The following FERMT2 variants were observed in gnomAD, a reference collection of about 807,000 sequenced individuals.
The protein encoded by FERMT2 is fermitin family homolog 2.
In FERMT2, 15 loss-of-function variants were observed where a neutral mutation model predicts 82.7. That is an observed-to-expected ratio of 0.18 (90% CI 0.12 to 0.28). The LOEUF is 0.28. Among genes scored for constraint, FERMT2 ranks in the 10% least tolerant of loss-of-function variants. The pLI is 1.00. For synonymous variants in FERMT2, 274 were observed against 271.5 expected (o/e 1.01, Z -0.09); for missense variants, 645 against 809.4 (o/e 0.80, Z 2.46).
At chr14:52,867,194 T>C (rs190803564) in intron 10 of FERMT2, among the ~76,000 whole-genome samples, 94 of 152,002 alleles carry the variant, frequency 6.2e-4, no homozygotes, top group African/African-American at 2.3e-3. Context: ...CCTGCCTTGG[T>C]CTCCCAAAAT....
chr14:52,885,055 G>A (rs1051444819), intron 4 of FERMT2, among the ~76,000 whole-genome samples: 2 of 151,920 alleles, frequency 1.3e-5, no homozygotes, highest in African/African-American at 4.8e-5. Flanking sequence ...GCTCATGCCT[G>A]TAATGCCCGC....
At chr14:52,905,806 T>C (rs1427354803) in intron 3 of FERMT2, among the ~76,000 whole-genome samples, 2 of 152,152 alleles carry the variant, frequency 1.3e-5, no homozygotes, top group Admixed American at 6.5e-5. Flanking sequence ...GCCTTGAGCA[T>C]GTTCAGTTTA....
chr14:52,867,776 CTCA>C (rs948011747), intron 10 of FERMT2, among the ~76,000 whole-genome samples: 91 of 152,234 alleles, frequency 6.0e-4, no homozygotes, highest in East Asian at 1.9e-4. Context: ...CTACATTCTT[CTCA>C]TCTTCTACAT....
intron 4 of FERMT2, among the ~76,000 whole-genome samples, chr14:52,882,796 T>C (rs62003530): frequency 2.6e-4 from 12 of 46,650 alleles, no homozygotes; most frequent in Non-Finnish European, 6.8e-4. Context: ...GGAAGCAAAG[T>C]TAAAAAAAAA....
intron 1 of FERMT2, 146 bp from the exon 2 acceptor site, chr14:52,950,723 G>C (rs1180088807): frequency 6.8e-6 from 5 of 734,850 alleles, no homozygotes; most frequent in South Asian, 1.8e-5. Flanking sequence ...GGCGGCGGCC[G>C]GGGCTGCGGG....
chr14:52,911,281 T>C (rs939605870), intron 3 of FERMT2, among the ~76,000 whole-genome samples: 5 of 152,178 alleles, frequency 3.3e-5, no homozygotes, highest in African/African-American at 9.7e-5. Context: ...TTTCACAGCA[T>C]AAAATATTAT....
intron 14 of FERMT2, 24 bp from the exon 15 acceptor site, chr14:52,858,574 A>G (rs1264204551): frequency 1.2e-6 from 2 of 1,610,038 alleles, no homozygotes; most frequent in Admixed American, 3.3e-5. Context: ...AAGAGCCATC[A>G]GTGCTGTCCC....
At chr14:52,872,115 G>A (rs904057682) in intron 10 of FERMT2, 1 of 152,440 alleles carries the variant, frequency 6.6e-6, no homozygotes, top group Admixed American at 6.5e-5. Flanking sequence ...GGATGTCGAA[G>A]AAGAAAGCCC....
At chr14:52,864,939 C>G in intron 10 of FERMT2, 86 bp from the exon 11 acceptor site, 1 of 792,838 alleles carries the variant, frequency 1.3e-6, no homozygotes, top group Non-Finnish European at 2.1e-6. Context: ...TCTGTGGCAT[C>G]TTAACATGTT....
chr14:52,866,339 A>C (rs565266681), intron 10 of FERMT2, among the ~76,000 whole-genome samples: 1 of 152,206 alleles, frequency 6.6e-6, no homozygotes, highest in South Asian at 2.1e-4. Flanking sequence ...CACAATCTCT[A>C]ATCCTAACTC....
At chr14:52,932,417 T>C (rs899977816) in intron 2 of FERMT2, among the ~76,000 whole-genome samples, 2 of 152,210 alleles carry the variant, frequency 1.3e-5, no homozygotes, top group Non-Finnish European at 2.9e-5. Context: ...AAGAGATTAT[T>C]AAATAAAGGA....
chr14:52,897,055 T>C lies in FERMT2; in HGVS notation c.392-3628A>G, dbSNP rs577857219. 9.5e-4 allele frequency among the ~76,000 whole-genome samples: 137 copies of C among 144,408 alleles called. 1 individual carries two copies. The highest frequency in any genetic ancestry group is 1.5e-3 in the Non-Finnish European group (100 of 67,022). The allele number at this position is 144,408 out of a possible 152,430, so 94.7% of individuals were successfully genotyped here. Reference sequence around the variant, plus strand: ...ACACACACACACACACACACCATGGTAGAAATTTGGAAGTTACCTCCCTCC... The same window carrying C: ...ACACACACACACACACACACCATGGCAGAAATTTGGAAGTTACCTCCCTCC... On this transcript the variant is annotated intron_variant, in intron 3 of 14. Transcript: ENST00000341590.
intron 3 of FERMT2, among the ~76,000 whole-genome samples, chr14:52,908,396 T>C (rs529966250): frequency 6.6e-6 from 1 of 152,332 alleles, no homozygotes; most frequent in Admixed American, 6.5e-5. Flanking sequence ...AGAAGCTTTT[T>C]TTTAAAATAA....
At chr14:52,931,104 G>C (rs1419868452) in intron 2 of FERMT2, among the ~76,000 whole-genome samples, 1 of 152,010 alleles carries the variant, frequency 6.6e-6, no homozygotes. Context: ...TGGCTCTTCA[G>C]GTGTATAATC....
chr14:52,877,347 C>A (rs1382947004), intron 7 of FERMT2, among the ~76,000 whole-genome samples: 1 of 152,024 alleles, frequency 6.6e-6, no homozygotes, highest in Non-Finnish European at 1.5e-5. Context: ...AAAGCCATAA[C>A]CACGTGAGGG....
intron 4 of FERMT2, among the ~76,000 whole-genome samples, chr14:52,887,091 G>A (rs192473558): frequency 3.4e-4 from 51 of 151,140 alleles, no homozygotes; most frequent in African/African-American, 1.2e-3. Context: ...GTACTTAAAA[G>A]AATAGTTTTA....
Position 52,875,310 on chromosome 14 carries a change from G to T in FERMT2, c.1011C>A (p.Asn337Lys). The part of the protein sequence containing the change: ...LSIMTSENHL[N>K]NSDKEVDEVD... ...CTTCATCAACTTCTTTGTCACTGTT[G>T]TTCAAATGATTCTCTGATGTCATGA... Residue 337 changes from asparagine (N) to lysine (K), a missense_variant, in exon 8 of 15, where the codon AAC becomes AAA. Coordinates refer to ENST00000341590, the MANE Select transcript of FERMT2 (RefSeq NM_006832.3). 1 of 1,610,560 alleles carries T rather than the reference G, an allele frequency of 6.2e-7. No individual in the cohort carries two copies. Among genetic ancestry groups the T allele is most frequent in the Non-Finnish European group, 8.5e-7 (1 of 1,177,090 alleles).
rs563973465 is a variant in FERMT2, at chr14:52,893,307, A to T, written c.512T>A (p.Ile171Asn). 2 of 1,606,746 alleles carry T rather than the reference A, an allele frequency of 1.2e-6. No individual in the cohort carries two copies. Among genetic ancestry groups the T allele is most frequent in the African/African-American group, 2.7e-5 (2 of 74,094 alleles). Residue 171 changes from isoleucine (I) to asparagine (N), a missense_variant, in exon 4 of 15, where the codon ATC becomes AAC. By Grantham distance (149) the Ile-to-Asn change is moderately radical. Coordinates refer to ENST00000341590, the MANE Select transcript of FERMT2 (RefSeq NM_006832.3). Reference sequence around the variant, plus strand: ...AAAAGTCTTACCTGATCCAGGAGTGATAAGAGGCCCCTCTAATTCAAGTGC... The same window carrying T: ...AAAAGTCTTACCTGATCCAGGAGTGTTAAGAGGCCCCTCTAATTCAAGTGC... ...DEALELEGPLITPGSGSIYSS... is the reference protein window; with the variant it reads ...DEALELEGPLNTPGSGSIYSS...
At chr14:52,897,460 T>C (rs1057050880) in intron 3 of FERMT2, among the ~76,000 whole-genome samples, 3 of 152,324 alleles carry the variant, frequency 2.0e-5, no homozygotes, top group African/African-American at 2.4e-5. Flanking sequence ...TTATATATAT[T>C]TTCTTCCTTT....
Sources: gnomAD v4.1 joint callset for allele counts (sites outside exome capture counted in the v4.1 genomes callset) on GRCh38, gnomAD v4.1.1 for gene constraint, MANE v1.5 for transcripts, NCBI Gene and HGNC (gene_info 2026-07-23, HGNC 2026-07-21) for gene names.